The following SPIDR variants were observed in gnomAD, a reference collection of about 807,000 sequenced individuals.
The protein encoded by SPIDR is scaffold protein involved in DNA repair, also known as DNA repair-scaffolding protein.
SPIDR carries 93 observed loss-of-function variants against 104.6 expected under a neutral mutation model. The ratio of observed to expected loss-of-function variants is 0.89; its 90% CI spans 0.75 to 1.06. The LOEUF (loss-of-function observed/expected upper bound fraction) is 1.06, where lower values mean the gene tolerates loss of function less well. Among genes scored for constraint, SPIDR ranks in the 50% least tolerant of loss-of-function variants. The pLI, the probability that SPIDR is intolerant of heterozygous loss-of-function variation, is 0.00. For synonymous variants in SPIDR, 431 were observed against 416.9 expected, an observed-to-expected ratio of 1.03 and a Z score of -0.41; for missense variants, 1,154 against 1,111.2, an observed-to-expected ratio of 1.04 and a Z score of -0.55.
chr8:47,421,552 T>A (rs1267803431), intron 7 of SPIDR, among the ~76,000 whole-genome samples: 1 of 152,212 alleles, frequency 6.6e-6, no homozygotes, highest in African/African-American at 2.4e-5. Flanking sequence ...GCCATGGGTT[T>A]GAACTTCCTG....
chr8:47,546,655 T>G (rs1224914016), intron 8 of SPIDR: 1 of 153,010 alleles, frequency 6.5e-6, no homozygotes, highest in Admixed American at 6.5e-5. Flanking sequence ...TATTTTGCTC[T>G]TGTTTTCCTA....
intron 5 of SPIDR, among the ~76,000 whole-genome samples, chr8:47,297,504 C>T (rs1219047933): frequency 3.3e-5 from 5 of 151,896 alleles, no homozygotes; most frequent in East Asian, 3.9e-4. Context: ...ATGTGCAAAA[C>T]GTGCAGGTTT....
At chr8:47,539,792 G>A (rs1047900301) in intron 8 of SPIDR, among the ~76,000 whole-genome samples, 2 of 151,974 alleles carry the variant, frequency 1.3e-5, no homozygotes, top group African/African-American at 4.8e-5. Flanking sequence ...ATCAGGTGTT[G>A]GTTTGAGTGC....
chr8:47,542,172 T>TC (rs2088317845), intron 8 of SPIDR, among the ~76,000 whole-genome samples: 1 of 144,450 alleles, frequency 6.9e-6, no homozygotes, highest in African/African-American at 2.5e-5. Context: ...GTCATTTTCT[T>TC]TTTTTTTTTT....
At chr8:47,684,126 C>CA (rs748328609) in intron 11 of SPIDR, among the ~76,000 whole-genome samples, 7,118 of 36,060 alleles carry the variant, frequency 0.2, 697 homozygotes, top group Admixed American at 0.23. Context: ...GACTCTGTCT[C>CA]AAAAAAAAAA....
chr8:47,532,557 T>G (rs2086202930), intron 8 of SPIDR, among the ~76,000 whole-genome samples: 1 of 152,154 alleles, frequency 6.6e-6, no homozygotes, highest in Non-Finnish European at 1.5e-5. Context: ...TATTACATAA[T>G]GAAAAAGGAT....
chr8:47,610,581 C>T (rs2063481277), intron 10 of SPIDR, among the ~76,000 whole-genome samples: 1 of 152,244 alleles, frequency 6.6e-6, no homozygotes, highest in East Asian at 1.9e-4. Flanking sequence ...GCACTTGGTG[C>T]AGCCAGCTGG....
intron 10 of SPIDR, among the ~76,000 whole-genome samples, chr8:47,633,427 C>G (rs2067369249): frequency 6.6e-6 from 1 of 151,870 alleles, no homozygotes; most frequent in Non-Finnish European, 1.5e-5. Context: ...GCAGAAGCAA[C>G]AGGACCATGA....
intron 16 of SPIDR, among the ~76,000 whole-genome samples, chr8:47,714,951 C>T (rs79736159): frequency 2.6e-5 from 4 of 152,138 alleles, no homozygotes. Context: ...CTTTATTGAG[C>T]TATAACTCAG....
At chr8:47,499,408 C>A (rs1017029514) in intron 8 of SPIDR, among the ~76,000 whole-genome samples, 3 of 152,140 alleles carry the variant, frequency 2.0e-5, no homozygotes, top group Non-Finnish European at 4.4e-5. Flanking sequence ...CCCAGGCTCT[C>A]TCCTGTCAAG....
chr8:47,437,754 G>C (rs1018986893), intron 7 of SPIDR, among the ~76,000 whole-genome samples: 2 of 152,006 alleles, frequency 1.3e-5, no homozygotes, highest in South Asian at 2.1e-4. Context: ...TGCTGGAGAG[G>C]ATGTGGAGAA....
intron 8 of SPIDR, among the ~76,000 whole-genome samples, chr8:47,540,920 C>T (rs1465005364): frequency 6.6e-6 from 1 of 152,166 alleles, no homozygotes; most frequent in Non-Finnish European, 1.5e-5. Flanking sequence ...AGTGCAGTGG[C>T]GCGGTCTCAG....
intron 8 of SPIDR, among the ~76,000 whole-genome samples, chr8:47,540,223 T>C (rs1379447802): frequency 1.3e-5 from 2 of 152,196 alleles, no homozygotes; most frequent in South Asian, 2.1e-4. Context: ...AGCAATAAAA[T>C]TGTTCTCGCG....
At chr8:47,687,703 T>C (rs765695195) in intron 11 of SPIDR, among the ~76,000 whole-genome samples, 10 of 152,350 alleles carry the variant, frequency 6.6e-5, no homozygotes, top group Non-Finnish European at 1.5e-4. Context: ...ATCCTAAAGA[T>C]CTTCACACTT....
intron 7 of SPIDR, among the ~76,000 whole-genome samples, chr8:47,424,749 G>A (rs1554683470): frequency 6.6e-6 from 1 of 152,138 alleles, no homozygotes; most frequent in African/African-American, 2.4e-5. Context: ...AATTTTTTGG[G>A]GGAAAGGGAA....
At chr8:47,517,546 T>C (rs1391794014) in intron 8 of SPIDR, among the ~76,000 whole-genome samples, 1 of 152,164 alleles carries the variant, frequency 6.6e-6, no homozygotes, top group Non-Finnish European at 1.5e-5. Flanking sequence ...GTCTACACAA[T>C]ATTCTGTTGA....
chr8:47,315,548 C>A, intron 5 of SPIDR, among the ~76,000 whole-genome samples: 1 of 151,992 alleles, frequency 6.6e-6, no homozygotes, highest in Non-Finnish European at 1.5e-5. Flanking sequence ...CTGATTATAA[C>A]GTTTATATGA....
intron 8 of SPIDR, among the ~76,000 whole-genome samples, chr8:47,464,597 A>G (rs1586153535): frequency 6.6e-6 from 1 of 152,070 alleles, no homozygotes; most frequent in African/African-American, 2.4e-5. Flanking sequence ...ACAAGCAGCA[A>G]CCTGCTCTCA....
At chr8:47,588,309 G>C (rs568610572) in intron 8 of SPIDR, among the ~76,000 whole-genome samples, 57 of 148,760 alleles carry the variant, frequency 3.8e-4, no homozygotes, top group Non-Finnish European at 6.2e-4. Flanking sequence ...ACACTGACAT[G>C]GGTTATTTTG....
Sources: allele counts gnomAD v4.1 joint callset (sites outside exome capture counted in the v4.1 genomes callset), GRCh38; gene constraint gnomAD v4.1.1; transcripts MANE v1.5; gene names NCBI Gene and HGNC (gene_info 2026-07-23, HGNC 2026-07-21).